The following GMDS variants were observed in gnomAD, a reference collection of about 807,000 sequenced individuals.
The protein encoded by GMDS is GDP-mannose 4,6 dehydratase.
Under a neutral mutation model 49.9 loss-of-function variants are expected in GMDS, and 20 were observed. The ratio of observed to expected loss-of-function variants is 0.40; its 90% CI spans 0.28 to 0.58. The LOEUF is 0.58. GMDS is among the 20% of genes least tolerant of loss of function. GMDS has a pLI of 0.42. For missense variants in GMDS, 362 were observed against 481.4 expected (o/e 0.75, Z 2.32); for synonymous variants, 177 against 178.6 (o/e 0.99, Z 0.07).
chr6:2,038,632 A>G (rs551796418), intron 4 of GMDS, among the ~76,000 whole-genome samples: 4 of 152,196 alleles, frequency 2.6e-5, no homozygotes, highest in East Asian at 1.9e-4. Flanking sequence ...ATTCTTCCCA[A>G]TTCAGACTCC....
intron 4 of GMDS, among the ~76,000 whole-genome samples, chr6:2,096,312 G>C (rs1260066998): frequency 1.3e-5 from 2 of 152,036 alleles, no homozygotes; most frequent in Non-Finnish European, 1.5e-5. Context: ...TTAAAGCAGG[G>C]ACCTGTACAG....
At chr6:1,960,155 T>G (rs1304838140) in intron 5 of GMDS, among the ~76,000 whole-genome samples, 184 bp from the exon 6 acceptor site, 2 of 152,216 alleles carry the variant, frequency 1.3e-5, no homozygotes, top group Admixed American at 1.3e-4. Context: ...CAGGAAATAT[T>G]TTAAGAATTT....
intron 6 of GMDS, among the ~76,000 whole-genome samples, chr6:1,957,839 G>A (rs1187572093): frequency 6.6e-6 from 1 of 152,150 alleles, no homozygotes; most frequent in African/African-American, 2.4e-5. Context: ...GTCTCACTAT[G>A]TTGCCCAGGC....
intron 7 of GMDS, among the ~76,000 whole-genome samples, chr6:1,838,018 G>T (rs1757002476): frequency 6.6e-6 from 1 of 152,198 alleles, no homozygotes; most frequent in South Asian, 2.1e-4. Flanking sequence ...AAGGTCAGTG[G>T]TAGGTACCTG....
chr6:1,836,557 TC>T lies in GMDS; in HGVS notation c.771+93545del, dbSNP rs1756938555. ...ATACTTTATGATAAAATAGCTAATGTCCTTTCATTAGTATAATGACATCTAC... is the reference window on the plus strand; with the variant it reads ...ATACTTTATGATAAAATAGCTAATGTCTTTCATTAGTATAATGACATCTAC... On this transcript the variant is annotated intron_variant, in intron 7 of 10. Coordinates refer to ENST00000380815, the MANE Select transcript of GMDS (RefSeq NM_001500.4). The surrounding 1 kb of genome is among the most constrained non-coding windows in gnomAD (Gnocchi z 4.2). 6.6e-6 allele frequency among the ~76,000 whole-genome samples: 1 copy of T among 152,252 alleles called. No individual in the cohort carries two copies. The highest frequency in any genetic ancestry group is 2.4e-5 in the African/African-American group (1 of 41,470).
chr6:1,787,566 C>T (rs150918504), intron 7 of GMDS, among the ~76,000 whole-genome samples: 1 of 152,316 alleles, frequency 6.6e-6, no homozygotes, highest in African/African-American at 2.4e-5. Context: ...ATTGGTTTGA[C>T]TCTTTTTTAA....
chr6:1,999,484 C>T (rs1045798266), intron 4 of GMDS, among the ~76,000 whole-genome samples: 1 of 151,710 alleles, frequency 6.6e-6, no homozygotes, highest in African/African-American at 2.4e-5. Context: ...AAAGTTTGCA[C>T]AAGATTTCCT....
chr6:1,985,857 A>G (rs1402993060), intron 4 of GMDS, among the ~76,000 whole-genome samples: 1 of 152,232 alleles, frequency 6.6e-6, no homozygotes, highest in African/African-American at 2.4e-5. Flanking sequence ...GAAAGGTGGC[A>G]GAAGTTTACT....
rs1255487196 is a variant in GMDS at position 1,741,810 on chromosome 6, TC to T, written c.890+657del. Among the ~76,000 whole-genome samples, 6 of 15,086 alleles carry T rather than the reference TC, an allele frequency of 4.0e-4. No individual in the cohort carries two copies. In the East Asian group the frequency reaches 0.01, roughly 25 times the overall value. 9.9% of individuals were successfully genotyped at this position (15,086 alleles called of 152,430 possible). A position where few individuals can be genotyped will look rare whatever the true frequency, so the allele number is the denominator to read the frequency against. On this transcript the variant is annotated intron_variant, in intron 8 of 10. Transcript: ENST00000380815. Reference sequence around the variant, plus strand: ...CTGAGCAACAGAGCAAGACTCTGTCTCAAAAAAAAAAAAAAAAAAAAAAAAA... The same window carrying T: ...CTGAGCAACAGAGCAAGACTCTGTCTAAAAAAAAAAAAAAAAAAAAAAAAA...
At chr6:2,240,599 C>G (rs917566409) in intron 1 of GMDS, among the ~76,000 whole-genome samples, 1 of 119,456 alleles carries the variant, frequency 8.4e-6, no homozygotes, top group African/African-American at 3.8e-5. Context: ...ATAAGACTGT[C>G]TCAAAAAAAA....
At chr6:1,785,534 T>C (rs1561803743) in intron 7 of GMDS, among the ~76,000 whole-genome samples, 1 of 152,152 alleles carries the variant, frequency 6.6e-6, no homozygotes, top group Non-Finnish European at 1.5e-5. Flanking sequence ...TCCAGGCCCT[T>C]CTACGCAGCC....
At chr6:2,202,895 T>C (rs1465663463) in intron 1 of GMDS, among the ~76,000 whole-genome samples, 1 of 152,140 alleles carries the variant, frequency 6.6e-6, no homozygotes. Flanking sequence ...AGTCATGGCA[T>C]CTTACACTTG....
chr6:1,892,112 T>G (rs1201041360), intron 7 of GMDS, among the ~76,000 whole-genome samples: 1 of 152,010 alleles, frequency 6.6e-6, no homozygotes, highest in Non-Finnish European at 1.5e-5. Context: ...AGAAACAACA[T>G]AGTAGAGATG....
chr6:1,671,663 T>G (rs1264934936), intron 9 of GMDS, among the ~76,000 whole-genome samples: 6 of 126,740 alleles, frequency 4.7e-5, no homozygotes, highest in African/African-American at 1.7e-4. Flanking sequence ...ATACTTTTAA[T>G]TACTTTTTTT....
chr6:1,698,482 A>G (rs1034024955), intron 9 of GMDS, among the ~76,000 whole-genome samples: 1 of 152,210 alleles, frequency 6.6e-6, no homozygotes, highest in African/African-American at 2.4e-5. Flanking sequence ...GAAAGAGTTG[A>G]GTATTTTGTG....
intron 7 of GMDS, among the ~76,000 whole-genome samples, chr6:1,863,678 G>T (rs1344233329): frequency 6.6e-6 from 1 of 152,090 alleles, no homozygotes; most frequent in African/African-American, 2.4e-5. Flanking sequence ...ATTTAGACAG[G>T]TTTACAAGGT....
At chr6:1,716,490 A>G (rs1414205488) in intron 9 of GMDS, among the ~76,000 whole-genome samples, 2 of 152,250 alleles carry the variant, frequency 1.3e-5, no homozygotes, top group Non-Finnish European at 2.9e-5. Context: ...ACAGCAAGAA[A>G]GAAAAAGGCA....
intron 6 of GMDS, among the ~76,000 whole-genome samples, chr6:1,951,140 A>G (rs1763321644): frequency 6.6e-6 from 1 of 152,298 alleles, no homozygotes; most frequent in East Asian, 1.9e-4. Context: ...AATAAAGACA[A>G]TCTTTAAAAA....
intron 1 of GMDS, among the ~76,000 whole-genome samples, chr6:2,169,252 C>T (rs1441877814): frequency 1.3e-5 from 2 of 152,140 alleles, no homozygotes; most frequent in Non-Finnish European, 2.9e-5. Flanking sequence ...TACAAAAATA[C>T]TTAAAAGTCC....
Sources: gnomAD v4.1 joint callset for allele counts (sites outside exome capture counted in the v4.1 genomes callset) on GRCh38, gnomAD v4.1.1 for gene constraint, Gnocchi (gnomAD v3.1) non-coding constraint, MANE v1.5 for transcripts, NCBI Gene and HGNC (gene_info 2026-07-23, HGNC 2026-07-21) for gene names.